SRCIN1: variants seen among roughly 807,000 people sequenced by gnomAD.
SRCIN1 encodes the protein SRC kinase signaling inhibitor 1.
Under a neutral mutation model 116.2 loss-of-function variants are expected in SRCIN1, and 50 were observed. That is an observed-to-expected ratio of 0.43 (90% CI 0.34 to 0.54). The LOEUF is 0.54. SRCIN1 is among the 20% of genes least tolerant of loss of function. The pLI is 0.02. For synonymous variants in SRCIN1, 736 were observed against 750.0 expected, an observed-to-expected ratio of 0.98 and a Z score of 0.30; for missense variants, 1,446 against 1,672.0, an observed-to-expected ratio of 0.86 and a Z score of 2.36.
chr17:38,550,111 C>T (rs958992471), intron 15 of SRCIN1, among the ~76,000 whole-genome samples: 2 of 152,180 alleles, frequency 1.3e-5, no homozygotes, highest in Non-Finnish European at 2.9e-5. Flanking sequence ...AGGCATGGTC[C>T]GGCACAGATT....
At chr17:38,567,794 G>C (rs1439860583) in intron 3 of SRCIN1, among the ~76,000 whole-genome samples, 6 of 152,164 alleles carry the variant, frequency 3.9e-5, no homozygotes, top group Non-Finnish European at 5.9e-5. Context: ...AAAAGGAAGG[G>C]GGACCCATCA....
At chr17:38,590,276 C>T (rs1908369451) in intron 1 of SRCIN1, among the ~76,000 whole-genome samples, 1 of 152,214 alleles carries the variant, frequency 6.6e-6, no homozygotes, top group Non-Finnish European at 1.5e-5. Context: ...TGCTCTGTCG[C>T]CCAGGCTGGA....
rs1440961742 is a variant in SRCIN1, at chr17:38,604,096, T to A, written c.22+1588A>T. 6.6e-6 allele frequency among the ~76,000 whole-genome samples: 1 copy of A among 152,118 alleles called. No homozygotes were observed. The highest frequency in any genetic ancestry group is 2.4e-5 in the African/African-American group (1 of 41,416). On this transcript the variant is annotated intron_variant, in intron 1 of 18. Coordinates refer to ENST00000617146, the MANE Select transcript of SRCIN1 (RefSeq NM_025248.3). The surrounding 1 kb of genome is among the most constrained non-coding windows in gnomAD (Gnocchi z 4.3). ...TCAACAAGAGGGAAAGGGATGGGAA[T>A]AAGAGAAACTGAGGCAAGGAATTAG...
intron 1 of SRCIN1, 135 bp from the exon 2 acceptor site, chr17:38,578,926 G>A: frequency 1.9e-6 from 2 of 1,050,950 alleles, no homozygotes; most frequent in African/African-American, 1.7e-5. Flanking sequence ...GGAGAGGCAG[G>A]GGCTGCCCAG....
At chr17:38,542,899 CTTCT>C (rs142647427) in intron 18 of SRCIN1, 4,959 of 357,890 alleles carry the variant, frequency 0.014, 236 homozygotes, top group African/African-American at 0.095. Flanking sequence ...AGTCTAGAAC[CTTCT>C]TTAAGTGAGA....
At chr17:38,573,015 G>GC (rs1907199779) in intron 2 of SRCIN1, among the ~76,000 whole-genome samples, 1 of 152,068 alleles carries the variant, frequency 6.6e-6, no homozygotes, top group Non-Finnish European at 1.5e-5. Context: ...CACCCGATAC[G>GC]CCGGCCTGGC....
intron 17 of SRCIN1, among the ~76,000 whole-genome samples, chr17:38,546,874 G>C (rs1905106988): frequency 6.6e-6 from 1 of 152,090 alleles, no homozygotes; most frequent in Non-Finnish European, 1.5e-5. Context: ...GCCCCAGATA[G>C]GGAGTGTGTG....
chr17:38,560,566 A>G, intron 7 of SRCIN1, 141 bp from the exon 8 acceptor site: 2 of 683,520 alleles, frequency 2.9e-6, no homozygotes, highest in Non-Finnish European at 5.1e-6. Flanking sequence ...AAAGGGCCCC[A>G]ATGCCTAAGG....
intron 18 of SRCIN1, among the ~76,000 whole-genome samples, chr17:38,536,378 C>G (rs1488688204): frequency 4.6e-5 from 7 of 152,226 alleles, no homozygotes; most frequent in Non-Finnish European, 1.0e-4. Context: ...CCAATTATGT[C>G]CAGAGAAGCA....
chr17:38,538,087 G>A (rs1323123505), intron 18 of SRCIN1, among the ~76,000 whole-genome samples: 2 of 150,986 alleles, frequency 1.3e-5, no homozygotes, highest in African/African-American at 4.9e-5. Context: ...GTGACAGAGC[G>A]AGGGTCCATC....
intron 1 of SRCIN1, among the ~76,000 whole-genome samples, chr17:38,597,339 C>G (rs968576590): frequency 2.0e-5 from 3 of 152,236 alleles, no homozygotes; most frequent in Non-Finnish European, 4.4e-5. Context: ...CAGCCCCAGA[C>G]AGGCTGAGGT....
At chr17:38,551,575 C>A in intron 14 of SRCIN1, 186 bp from the exon 15 acceptor site, 1 of 646,670 alleles carries the variant, frequency 1.5e-6, no homozygotes, top group South Asian at 2.0e-5. Flanking sequence ...GGTAGGAATG[C>A]CACCCTCATT....
At position 38,548,692 on chromosome 17, in the gene SRCIN1, C is replaced by A. The variant is rs1226896341; in HGVS notation, c.3135G>T (p.Glu1045Asp). The A allele has an allele frequency of 6.2e-7, 1 of 1,605,252 alleles. No individual in the cohort carries two copies. The highest frequency in any genetic ancestry group is 1.7e-5 in the Admixed American group (1 of 59,298). The change falls in exon 17 of 19, where the codon GAG (glutamate) becomes GAT (aspartate). Residue 1045 changes from glutamate (E) to aspartate (D), a missense_variant. Around this residue, in one of 5 missense-constraint regions of SRCIN1, gnomAD observed 531 missense variants for 633.9 expected, o/e 0.84. Transcript: ENST00000617146. The part of the protein sequence containing the change: ...SAFIKKAESE[E>D]LEVQKPQVKL... ...TCACCTGGGGCTTCTGCACCTCCAG[C>A]TCCTCGGACTCAGCCTTCTGCAAGG...
chr17:38,567,599 C>T (rs964226026), intron 3 of SRCIN1, among the ~76,000 whole-genome samples: 2 of 152,118 alleles, frequency 1.3e-5, no homozygotes, highest in African/African-American at 2.4e-5. Context: ...GGTGCTCTCC[C>T]AGGGGTCAAC....
At chr17:38,589,390 A>C (rs1485721483) in intron 1 of SRCIN1, among the ~76,000 whole-genome samples, 1 of 152,222 alleles carries the variant, frequency 6.6e-6, no homozygotes, top group East Asian at 1.9e-4. Context: ...CTAAAGCGCC[A>C]GGTGGATGCA....
At chr17:38,575,541 G>T (rs940353709) in intron 2 of SRCIN1, among the ~76,000 whole-genome samples, 3 of 152,166 alleles carry the variant, frequency 2.0e-5, no homozygotes, top group South Asian at 2.1e-4. Context: ...GAGCCACTGC[G>T]CCCGGCCTCA....
At chr17:38,543,771 C>T in intron 18 of SRCIN1, 52 bp downstream of exon 18, 2 of 1,579,816 alleles carry the variant, frequency 1.3e-6, no homozygotes, top group East Asian at 2.2e-5. Flanking sequence ...GGGGCAGGGG[C>T]CCGGCATGCA....
intron 18 of SRCIN1, among the ~76,000 whole-genome samples, chr17:38,543,403 A>C (rs927109449): frequency 4.6e-5 from 7 of 152,170 alleles, no homozygotes; most frequent in African/African-American, 1.4e-4. Flanking sequence ...GGAGAGAGAA[A>C]CAGAGTGGCA....
At position 38,561,600 on chromosome 17, in the gene SRCIN1, C is replaced by T. The variant is rs1434283726; in HGVS notation, c.1563G>A (p.Glu521=). The part of the protein sequence containing the change: ...KDSGSSSVFA[E]SPGGKTRSAG... ...CGCTGCGGGTCTTCCCTCCAGGACT[C>T]TCGGCAAAGACGGACGAGGAGCCCG... Residue 521 remains glutamate, a synonymous_variant, in exon 7 of 19, where the codon GAG becomes GAA. Coordinates refer to ENST00000617146, the MANE Select transcript of SRCIN1 (RefSeq NM_025248.3). 46 of 1,595,598 alleles carry T rather than the reference C, an allele frequency of 2.9e-5. No individual in the cohort carries two copies. The highest frequency in any genetic ancestry group is 3.8e-5 in the Non-Finnish European group (45 of 1,171,850).
Sources: gnomAD v4.1 joint callset for allele counts (sites outside exome capture counted in the v4.1 genomes callset) on GRCh38, gnomAD v4.1.1 for gene constraint, gnomAD v4.1.1 regional missense constraint, Gnocchi (gnomAD v3.1) non-coding constraint, MANE v1.5 for transcripts, NCBI Gene and HGNC (gene_info 2026-07-23, HGNC 2026-07-21) for gene names.